The following RIMKLB variants were observed in gnomAD, a reference collection of about 807,000 sequenced individuals.
RIMKLB encodes ribosomal modification protein rimK like family member B.
In RIMKLB, 7 loss-of-function variants were observed where a neutral mutation model predicts 32.0. That is an observed-to-expected ratio of 0.22 (90% CI 0.12 to 0.41). RIMKLB has a LOEUF of 0.41. Among genes scored for constraint, RIMKLB ranks in the 10% least tolerant of loss-of-function variants. The probability of loss-of-function intolerance (pLI) is 1.00; values close to 1 mark genes in which losing one functional copy is unlikely to be tolerated. For missense variants in RIMKLB, 289 were observed against 498.7 expected, an observed-to-expected ratio of 0.58 and a Z score of 4.00; for synonymous variants, 172 against 185.1, an observed-to-expected ratio of 0.93 and a Z score of 0.57.
intron 5 of RIMKLB, among the ~76,000 whole-genome samples, chr12:8,760,346 A>G (rs59224760): frequency 2.6e-5 from 4 of 152,130 alleles, no homozygotes; most frequent in African/African-American, 9.7e-5. Context: ...TCTATCATTG[A>G]TGGACATTTG....
At chr12:8,723,899 C>T (rs1019747400) in intron 2 of RIMKLB, among the ~76,000 whole-genome samples, 1 of 144,960 alleles carries the variant, frequency 6.9e-6, no homozygotes, top group Non-Finnish European at 1.5e-5. Context: ...ACTGCAACCT[C>T]TTGCCTCCTG....
chr12:8,765,444 C>T (rs1222068606), intron 5 of RIMKLB, among the ~76,000 whole-genome samples: 1 of 152,168 alleles, frequency 6.6e-6, no homozygotes, highest in Non-Finnish European at 1.5e-5. Context: ...TCTCGGGCTG[C>T]AGTTATGGCG....
At chr12:8,745,560 A>G (rs1948006229) in intron 2 of RIMKLB, among the ~76,000 whole-genome samples, 1 of 151,448 alleles carries the variant, frequency 6.6e-6, no homozygotes, top group Non-Finnish European at 1.5e-5. Flanking sequence ...ATGCCTGGCT[A>G]ATTTTGTATT....
intron 5 of RIMKLB, among the ~76,000 whole-genome samples, chr12:8,763,747 G>A (rs965343613): frequency 6.6e-5 from 10 of 152,324 alleles, no homozygotes; most frequent in South Asian, 6.2e-4. Context: ...AATTATCCAC[G>A]TACCGAAGGA....
At chr12:8,763,885 T>C (rs1014705007) in intron 5 of RIMKLB, among the ~76,000 whole-genome samples, 1 of 152,128 alleles carries the variant, frequency 6.6e-6, no homozygotes, top group Non-Finnish European at 1.5e-5. Flanking sequence ...GTTTGAAGGA[T>C]CTTCAAAGGC....
intron 1 of RIMKLB, chr12:8,700,602 TAAAG>T (rs1171870450): frequency 6.6e-6 from 1 of 151,874 alleles, no homozygotes; most frequent in Non-Finnish European, 1.5e-5. Context: ...GAACCAAACA[TAAAG>T]TAAGGAGGGT....
At chr12:8,712,012 CTT>C (rs1310472860) in intron 1 of RIMKLB, among the ~76,000 whole-genome samples, 1 of 152,124 alleles carries the variant, frequency 6.6e-6, no homozygotes, top group Admixed American at 6.5e-5. Context: ...ATGGAAATCT[CTT>C]TTCAAGAAAA....
At chr12:8,711,363 C>G (rs898982188) in intron 1 of RIMKLB, among the ~76,000 whole-genome samples, 1 of 152,064 alleles carries the variant, frequency 6.6e-6, no homozygotes, top group African/African-American at 2.4e-5. Context: ...TGCACCACTG[C>G]ACTCCAGCCT....
In RIMKLB at chr12:8,773,727, G is replaced by T; in HGVS notation, c.1104G>T (p.Gly368=). Residue 368 remains glycine (G), a synonymous_variant, in exon 6 of 6, where the codon GGG becomes GGT. Coordinates refer to ENST00000535829, the MANE Select transcript of RIMKLB (RefSeq NM_001297776.2). ...TERELLTKLP[G]GLFNMNQLLA... ...GAGAGCTGCTCACCAAGCTCCCAGG[G>T]GGCCTGTTCAACATGAACCAGCTGC... is the stretch of plus-strand genomic sequence containing the variant. 7 of 1,614,216 alleles carry T rather than the reference G, an allele frequency of 4.3e-6. No homozygotes were observed. Among genetic ancestry groups the T allele is most frequent in the Non-Finnish European group, 5.9e-6 (7 of 1,180,028 alleles).
the RIMKLB span, among the ~76,000 whole-genome samples, chr12:8,672,819 G>A: frequency 6.6e-6 from 1 of 152,120 alleles, no homozygotes; most frequent in Non-Finnish European, 1.5e-5. Flanking sequence ...CTTCCGTCAT[G>A]AGTAAAAGCT....
the RIMKLB span, among the ~76,000 whole-genome samples, chr12:8,670,375 G>T: frequency 6.6e-6 from 1 of 152,188 alleles, no homozygotes; most frequent in African/African-American, 2.4e-5. Context: ...TACAGGTATT[G>T]GGTAAATACA....
chr12:8,782,493 T>G (rs879817311), intron 7 of RIMKLB, among the ~76,000 whole-genome samples: 1 of 152,132 alleles, frequency 6.6e-6, no homozygotes, highest in Non-Finnish European at 1.5e-5. Flanking sequence ...TTTGGCTGTT[T>G]TGGTGTCAGC....
At chr12:8,715,993 C>A (rs1335243680) in intron 2 of RIMKLB, among the ~76,000 whole-genome samples, 1 of 152,138 alleles carries the variant, frequency 6.6e-6, no homozygotes, top group Non-Finnish European at 1.5e-5. Context: ...GAGTCAGAAA[C>A]TCAGACACTT....
In RIMKLB at chr12:8,775,591, C is replaced by T; in HGVS notation, c.*1807C>T. ...GGACACTACTAGAGAGACTTCGAGG[C>T]AATAATAAAAGATCAGTATTAACCA... On this transcript the variant is annotated 3_prime_UTR_variant, in exon 6 of 6. Transcript: ENST00000535829. 2.0e-6 allele frequency: 2 copies of T among 985,574 alleles called. No homozygotes were observed. Among genetic ancestry groups the T allele is most frequent in the Non-Finnish European group, 2.4e-6 (2 of 829,740 alleles). 61.1% of individuals were successfully genotyped at this position (985,574 alleles called of 1,614,324 possible). A position where few individuals can be genotyped will look rare whatever the true frequency, so the allele number is the denominator to read the frequency against.
chr12:8,672,480 G>T, the RIMKLB span, among the ~76,000 whole-genome samples: 1 of 152,140 alleles, frequency 6.6e-6, no homozygotes, highest in Non-Finnish European at 1.5e-5. Flanking sequence ...ATCGGGAGGA[G>T]AAAGGCACTT....
chr12:8,776,671 A>G lies in RIMKLB; in HGVS notation c.*2887A>G, dbSNP rs1950744505. On this transcript the variant is annotated 3_prime_UTR_variant, in exon 6 of 6. Coordinates refer to ENST00000535829, the MANE Select transcript of RIMKLB (RefSeq NM_001297776.2). ...AACTATTCTATTTAAAATTTTTAAT[A>G]GTTTTTTTCTTTTTTGGTGCCTATA... is the stretch of plus-strand genomic sequence containing the variant. The G allele has an allele frequency of 4.1e-6, 4 of 976,590 alleles. No homozygotes were observed. Among genetic ancestry groups the G allele is most frequent in the Non-Finnish European group, 3.6e-6 (3 of 821,936 alleles). The allele number at this position is 976,590 out of a possible 1,614,324, so 60.5% of individuals were successfully genotyped here.
upstream of RIMKLB, among the ~76,000 whole-genome samples, chr12:8,697,530 G>A (rs1213781389): frequency 6.6e-6 from 1 of 152,082 alleles, no homozygotes; most frequent in African/African-American, 2.4e-5. Context: ...GAATGTGAGG[G>A]CGGGGAGGGC....
the RIMKLB span, among the ~76,000 whole-genome samples, chr12:8,675,845 C>A: frequency 1.0e-4 from 15 of 145,546 alleles, no homozygotes; most frequent in South Asian, 1.3e-3. Context: ...TTTCTGTCAT[C>A]TGGTCTAAGC....
chr12:8,681,241 A>T (rs894889634), upstream of RIMKLB, among the ~76,000 whole-genome samples: 1 of 152,120 alleles, frequency 6.6e-6, no homozygotes, highest in Non-Finnish European at 1.5e-5. Flanking sequence ...CTAGGATTAC[A>T]GACATGAGCC....
Sources: allele counts gnomAD v4.1 joint callset (sites outside exome capture counted in the v4.1 genomes callset), GRCh38; gene constraint gnomAD v4.1.1; transcripts MANE v1.5; gene names NCBI Gene and HGNC (gene_info 2026-07-23, HGNC 2026-07-21).